The following PLAAT3 variants were observed in gnomAD, a reference collection of about 807,000 sequenced individuals.
PLAAT3 encodes phospholipase A and acyltransferase 3.
A neutral mutation model predicts 16.7 loss-of-function variants in PLAAT3; 21 were observed. The observed-to-expected ratio is 1.26, with a 90% confidence interval of 0.89 to 1.81. The LOEUF (loss-of-function observed/expected upper bound fraction) is 1.81, where lower values mean the gene tolerates loss of function less well. Ranked by LOEUF, PLAAT3 falls within the 40% of genes most tolerant of loss-of-function variation. The pLI is 0.00. For missense variants in PLAAT3, 219 were observed against 213.7 expected, an observed-to-expected ratio of 1.02 and a Z score of -0.16; for synonymous variants, 76 against 81.7, an observed-to-expected ratio of 0.93 and a Z score of 0.38.
chr11:63,598,055 T>C lies in PLAAT3; in HGVS notation c.118+6A>G, dbSNP rs192601907. 42 of 1,597,528 alleles carry C rather than the reference T, an allele frequency of 2.6e-5. No homozygotes were observed. In the African/African-American group the frequency reaches 5.4e-4, roughly 20 times the overall value. ...CCATCACAGTGGAGGTCCCATGTGT[T>C]CTTACTTGGAGGGGCCAGATGAACC... is the stretch of plus-strand genomic sequence containing the variant. On this transcript the variant is annotated splice_donor_region_variant and intron_variant, in intron 3 of 4. Coordinates refer to ENST00000415826, the MANE Select transcript of PLAAT3 (RefSeq NM_001128203.2).
intron 2 of PLAAT3, among the ~76,000 whole-genome samples, chr11:63,611,710 G>T (rs1392853457): frequency 6.6e-6 from 1 of 152,178 alleles, no homozygotes; most frequent in Non-Finnish European, 1.5e-5. Context: ...CTAAAAGAAT[G>T]ATGTTTGAAA....
At chr11:63,575,636 T>G (rs922471864) in intron 4 of PLAAT3, among the ~76,000 whole-genome samples, 3 of 152,164 alleles carry the variant, frequency 2.0e-5, no homozygotes, top group Non-Finnish European at 4.4e-5. Context: ...AAAAAGTGTT[T>G]CAAAAGTAAA....
intron 2 of PLAAT3, among the ~76,000 whole-genome samples, chr11:63,606,571 G>A (rs1938571318): frequency 6.6e-6 from 1 of 152,148 alleles, no homozygotes; most frequent in South Asian, 2.1e-4. Context: ...TGGTGGGGTG[G>A]GGGCACGGGG....
intron 3 of PLAAT3, among the ~76,000 whole-genome samples, chr11:63,594,578 AAG>A (rs1239163668): frequency 1.3e-5 from 2 of 152,118 alleles, no homozygotes; most frequent in African/African-American, 4.8e-5. Flanking sequence ...GGGGCAAAAA[AAG>A]AGAGTCTGAG....
upstream of PLAAT3, among the ~76,000 whole-genome samples, chr11:63,616,000 G>A (rs557803422): frequency 6.6e-5 from 10 of 152,196 alleles, no homozygotes; most frequent in Non-Finnish European, 8.8e-5. Context: ...AAATTGCCAC[G>A]TATTTGTCAT....
chr11:63,593,059 C>T (rs1044768211), intron 3 of PLAAT3, among the ~76,000 whole-genome samples: 2 of 152,176 alleles, frequency 1.3e-5, no homozygotes, highest in African/African-American at 4.8e-5. Flanking sequence ...CTATCTACCA[C>T]ACACACCTGC....
At chr11:63,588,071 TA>T (rs1938029978) in intron 4 of PLAAT3, among the ~76,000 whole-genome samples, 1 of 151,618 alleles carries the variant, frequency 6.6e-6, no homozygotes, top group African/African-American at 2.4e-5. Context: ...AACAATAAAA[TA>T]AAAAAAATTT....
chr11:63,595,443 T>G (rs1017719623), intron 3 of PLAAT3, among the ~76,000 whole-genome samples: 1 of 152,156 alleles, frequency 6.6e-6, no homozygotes, highest in Non-Finnish European at 1.5e-5. Context: ...TTCCTGCTAC[T>G]CACAGCAGCA....
chr11:63,614,163 G>A (rs1938769646), intron 1 of PLAAT3, 95 bp from the exon 2 acceptor site: 1 of 1,030,138 alleles, frequency 9.7e-7, no homozygotes, highest in South Asian at 1.3e-5. Context: ...GGGCGTGAGA[G>A]GCGCGCCTCG....
intron 4 of PLAAT3, among the ~76,000 whole-genome samples, chr11:63,583,079 G>A (rs972036112): frequency 1.2e-4 from 18 of 151,732 alleles, no homozygotes; most frequent in Non-Finnish European, 2.5e-4. Flanking sequence ...GCAGTGAGCC[G>A]AGATCACACC....
chr11:63,578,905 C>A (rs932606063), intron 4 of PLAAT3, among the ~76,000 whole-genome samples: 22 of 152,028 alleles, frequency 1.4e-4, no homozygotes, highest in African/African-American at 5.1e-4. Flanking sequence ...TTCTGCACAG[C>A]AAAAGAAACT....
At chr11:63,606,980 G>C (rs1463032212) in intron 2 of PLAAT3, among the ~76,000 whole-genome samples, 3 of 152,116 alleles carry the variant, frequency 2.0e-5, no homozygotes, top group Non-Finnish European at 4.4e-5. Flanking sequence ...TGAGATGTAG[G>C]GTGCAAGGAG....
At chr11:63,606,830 G>A (rs1938579918) in intron 2 of PLAAT3, among the ~76,000 whole-genome samples, 1 of 152,206 alleles carries the variant, frequency 6.6e-6, no homozygotes, top group Admixed American at 6.5e-5. Context: ...CAGCCGGTCC[G>A]GAAGGCAACG....
At chr11:63,579,158 C>A (rs1458506123) in intron 4 of PLAAT3, among the ~76,000 whole-genome samples, 1 of 152,176 alleles carries the variant, frequency 6.6e-6, no homozygotes, top group African/African-American at 2.4e-5. Flanking sequence ...AAATGCAAAT[C>A]AAAACCACAA....
chr11:63,581,500 T>C (rs901352304), intron 4 of PLAAT3, among the ~76,000 whole-genome samples: 7 of 152,292 alleles, frequency 4.6e-5, no homozygotes, highest in Non-Finnish European at 7.4e-5. Context: ...TCCAGCCTGG[T>C]AAATTCTAGT....
At chr11:63,597,497 G>C (rs1393532137) in intron 3 of PLAAT3, among the ~76,000 whole-genome samples, 1 of 152,188 alleles carries the variant, frequency 6.6e-6, no homozygotes, top group Non-Finnish European at 1.5e-5. Context: ...CTGCACTCCA[G>C]CCTGAGTGAC....
chr11:63,587,484 C>A (rs1938012364), intron 4 of PLAAT3, among the ~76,000 whole-genome samples: 1 of 150,558 alleles, frequency 6.6e-6, no homozygotes, highest in Non-Finnish European at 1.5e-5. Context: ...AATGATTAAT[C>A]AAATGTGAGG....
intron 4 of PLAAT3, among the ~76,000 whole-genome samples, chr11:63,585,362 G>A (rs1049329744): frequency 1.3e-5 from 2 of 152,078 alleles, no homozygotes; most frequent in Non-Finnish European, 2.9e-5. Context: ...ATGTGTCAGT[G>A]ATCATTACTC....
At chr11:63,581,258 C>T (rs1453129002) in intron 4 of PLAAT3, among the ~76,000 whole-genome samples, 2 of 152,128 alleles carry the variant, frequency 1.3e-5, no homozygotes, top group Non-Finnish European at 2.9e-5. Flanking sequence ...CGGGGTCGGG[C>T]AGAATAGAGC....
Sources: allele counts gnomAD v4.1 joint callset (sites outside exome capture counted in the v4.1 genomes callset), GRCh38; gene constraint gnomAD v4.1.1; transcripts MANE v1.5; gene names NCBI Gene and HGNC (gene_info 2026-07-23, HGNC 2026-07-21).